Variants in CIROZ observed in about 807,000 individuals in gnomAD.
CIROZ encodes the protein ciliated left-right organizer protein containing ZP-N domains.
At chr1:10,981,280 C>A in the CIROZ span, among the ~76,000 whole-genome samples, 1 of 152,102 alleles carries the variant, frequency 6.6e-6, no homozygotes, top group South Asian at 2.1e-4. Context: ...AAGACCCTGT[C>A]TCTACAAAAA....
At chr1:10,956,321 A>C in the CIROZ span, among the ~76,000 whole-genome samples, 64,009 of 151,820 alleles carry the variant, frequency 0.42, 16,887 homozygotes, top group African/African-American at 0.73. Context: ...TGGTCTAGAT[A>C]GGGGGTCCCC....
At chr1:10,966,424 C>A in the CIROZ span, 1 of 1,536,718 alleles carries the variant, frequency 6.5e-7, no homozygotes, top group Non-Finnish European at 8.7e-7. Flanking sequence ...AAGCCAGATG[C>A]AGGAAGTAGC....
chr1:10,959,185 C>T, the CIROZ span, among the ~76,000 whole-genome samples: 1 of 152,194 alleles, frequency 6.6e-6, no homozygotes, highest in Non-Finnish European at 1.5e-5. The surrounding 1 kb of genome is among the most constrained non-coding windows in gnomAD (Gnocchi z 4.3). Context: ...AGGGCTTCTA[C>T]GGTCCCAGAG....
At chr1:10,948,470 C>T in the CIROZ span, 1 of 1,614,050 alleles carries the variant, frequency 6.2e-7, no homozygotes, top group Non-Finnish European at 8.5e-7. Flanking sequence ...TTCCTGGAGA[C>T]TTGGCGGGGT....
chr1:10,949,533 G>C, the CIROZ span: 16 of 1,404,422 alleles, frequency 1.1e-5, no homozygotes, highest in Non-Finnish European at 1.6e-5. Flanking sequence ...TGAAAGAGAA[G>C]GGCCTCAGGC....
At chr1:10,975,426 A>C in the CIROZ span, among the ~76,000 whole-genome samples, 1 of 150,326 alleles carries the variant, frequency 6.7e-6, no homozygotes, top group Non-Finnish European at 1.5e-5. Context: ...AAAAAAAAAA[A>C]AAAAACACAA....
chr1:10,947,038 T>C, the CIROZ span, among the ~76,000 whole-genome samples: 1 of 152,198 alleles, frequency 6.6e-6, no homozygotes, highest in Non-Finnish European at 1.5e-5. Flanking sequence ...GCACTGGATG[T>C]AGTCCGGCTC....
the CIROZ span, chr1:10,948,761 T>C: frequency 1.3e-6 from 2 of 1,536,294 alleles, no homozygotes; most frequent in Non-Finnish European, 1.8e-6. Context: ...CTCGCTGAGC[T>C]TGCACCACTC....
the CIROZ span, among the ~76,000 whole-genome samples, chr1:10,955,383 A>G: frequency 6.6e-6 from 1 of 152,138 alleles, no homozygotes; most frequent in Admixed American, 6.5e-5. Context: ...GAAGAAGAGA[A>G]GAAAAAAAGA....
At chr1:10,949,315 T>C in the CIROZ span, 1 of 434,774 alleles carries the variant, frequency 2.3e-6, no homozygotes, top group South Asian at 2.5e-5. Flanking sequence ...TCCATTTGTG[T>C]GCATAGCTGC....
chr1:10,948,507 C>T, the CIROZ span: 1 of 1,614,078 alleles, frequency 6.2e-7, no homozygotes, highest in Non-Finnish European at 8.5e-7. Context: ...AGTTCCTAGA[C>T]CTTCAGTCAG....
the CIROZ span, chr1:10,954,120 G>C: frequency 6.2e-7 from 1 of 1,612,976 alleles, no homozygotes; most frequent in Admixed American, 1.7e-5. Context: ...TGTTCCCGGG[G>C]TTCCTCCGAC....
At chr1:10,968,025 G>C in the CIROZ span, among the ~76,000 whole-genome samples, 6 of 151,680 alleles carry the variant, frequency 4.0e-5, no homozygotes, top group African/African-American at 7.3e-5. Context: ...CGGCGCGGTG[G>C]GGGGGCACCT....
chr1:10,965,480 T>C, the CIROZ span, among the ~76,000 whole-genome samples: 3 of 152,152 alleles, frequency 2.0e-5, no homozygotes, highest in Non-Finnish European at 4.4e-5. Flanking sequence ...TCTCAACACA[T>C]TGGGACACCG....
the CIROZ span, chr1:10,948,874 A>C: frequency 6.8e-7 from 1 of 1,468,824 alleles, no homozygotes; most frequent in Non-Finnish European, 9.0e-7. Context: ...GAGAGAGAAA[A>C]AGCATTAGAA....
chr1:10,970,094 GA>G, the CIROZ span: 1 of 1,482,236 alleles, frequency 6.7e-7, no homozygotes, highest in Admixed American at 2.1e-5. Context: ...ATGCTTCTGA[GA>G]AGGAAGGAAG....
chr1:10,965,820 CAAA>C, the CIROZ span, among the ~76,000 whole-genome samples: 35 of 107,104 alleles, frequency 3.3e-4, no homozygotes, highest in Admixed American at 3.9e-4. Flanking sequence ...GAGCCTCCGT[CAAA>C]AAAAAAAAAA....
chr1:10,966,334 A>G, the CIROZ span: 3 of 1,499,924 alleles, frequency 2.0e-6, no homozygotes, highest in Non-Finnish European at 2.6e-6. Context: ...TAAAAAAAAA[A>G]AAAGAAAAGT....
chr1:10,958,697 C>T, the CIROZ span: 22,744 of 1,613,980 alleles, frequency 0.014, 207 homozygotes, highest in Non-Finnish European at 0.017. Context: ...CCTGCTACTT[C>T]AATGGGGCCC....
Sources: allele counts gnomAD v4.1 joint callset (sites outside exome capture counted in the v4.1 genomes callset), GRCh38; gene constraint gnomAD v4.1.1; non-coding constraint Gnocchi (gnomAD v3.1); transcripts MANE v1.5; gene names NCBI Gene and HGNC (gene_info 2026-07-23, HGNC 2026-07-21).